ZNF705A: variants seen among roughly 807,000 people sequenced by gnomAD.
ZNF705A encodes the protein zinc finger protein 705A.
In ZNF705A, 8 loss-of-function variants were observed where a neutral mutation model predicts 16.6. That is an observed-to-expected ratio of 0.48 (90% confidence interval 0.28 to 0.87). The LOEUF (loss-of-function observed/expected upper bound fraction) is 0.87. ZNF705A is among the 40% of genes least tolerant of loss of function. ZNF705A has a pLI of 0.10. For synonymous variants in ZNF705A, 73 were observed against 117.3 expected (o/e 0.62, Z 2.44); for missense variants, 233 against 359.9 (o/e 0.65, Z 2.85).
upstream of ZNF705A, among the ~76,000 whole-genome samples, chr12:8,170,211 GA>G (rs1948435286): frequency 3.6e-5 from 5 of 139,262 alleles, no homozygotes; most frequent in Non-Finnish European, 6.0e-5. Flanking sequence ...AAAAAAAGGA[GA>G]GAGAGACATC....
intron 1 of ZNF705A, among the ~76,000 whole-genome samples, chr12:8,165,440 G>A (rs1273526575): frequency 1.8e-4 from 23 of 126,982 alleles, no homozygotes; most frequent in Admixed American, 1.6e-3. Flanking sequence ...CTGCCACCAC[G>A]CCCAGCTAAA....
intron 1 of ZNF705A, 121 bp from the exon 3 acceptor site, chr12:8,174,205 C>A: frequency 7.6e-6 from 12 of 1,579,840 alleles, no homozygotes; most frequent in Non-Finnish European, 9.4e-6. Context: ...AATGAACTGG[C>A]TGGAACCCAA....
chr12:8,161,964 T>C (rs534803228), intron 1 of ZNF705A, among the ~76,000 whole-genome samples: 1 of 152,186 alleles, frequency 6.6e-6, no homozygotes, highest in Non-Finnish European at 1.5e-5. Flanking sequence ...GGAACTATCC[T>C]AAGTCAGAAG....
chr12:8,167,262 A>G (rs1447270021), intron 1 of ZNF705A, among the ~76,000 whole-genome samples: 1 of 152,194 alleles, frequency 6.6e-6, no homozygotes, highest in Non-Finnish European at 1.5e-5. Context: ...GTACTTATGA[A>G]TAAAAAAAGG....
At chr12:8,178,157 C>T (rs1420460259) in exon 5 of ZNF705A, 2 of 158,376 alleles carry the variant, frequency 1.3e-5, no homozygotes, top group African/African-American at 4.8e-5. Context: ...TGTGAATAAA[C>T]ATTCAGCCAA....
chr12:8,164,305 T>A (rs2120704061), intron 1 of ZNF705A, among the ~76,000 whole-genome samples: 2 of 152,348 alleles, frequency 1.3e-5, no homozygotes, highest in Admixed American at 1.3e-4. Flanking sequence ...TTGTCTATTT[T>A]AGATTTCAAA....
rs1948470424 is a variant in ZNF705A, at chr12:8,174,529, C to G, written c.139+77C>G. On this transcript the variant is annotated intron_variant, in intron 2 of 4. Coordinates refer to ENST00000359286, the Ensembl canonical transcript of ZNF705A. Reference sequence around the variant, plus strand: ...TTCAATAAGTGTTAGAACAGCTTCCCCATATCTCACTCTAATCTCTTCTCT... The same window carrying G: ...TTCAATAAGTGTTAGAACAGCTTCCGCATATCTCACTCTAATCTCTTCTCT... 24 of 1,593,008 alleles carry G rather than the reference C, an allele frequency of 1.5e-5. No individual in the cohort carries two copies. In the Middle Eastern group the frequency reaches 9.0e-4, roughly 60 times the overall value.
upstream of ZNF705A, chr12:8,172,503 C>G (rs1266151546): frequency 1.3e-5 from 18 of 1,353,748 alleles, no homozygotes; most frequent in Non-Finnish European, 1.7e-5. Context: ...ATCGGTTGAT[C>G]TGAAAATTGT....
chr12:8,177,895 A>G (rs1948499342), exon 5 of ZNF705A: 2 of 442,778 alleles, frequency 4.5e-6, no homozygotes, highest in African/African-American at 2.0e-5. Context: ...ATAAATTCAT[A>G]TGGAAGAGAA....
At chr12:8,175,448 G>A in intron 3 of ZNF705A, 125 bp downstream of exon 4, 8 of 1,272,200 alleles carry the variant, frequency 6.3e-6, no homozygotes, top group Non-Finnish European at 8.8e-6. Context: ...TAGGCTACTG[G>A]AGCAGAATTC....
intron 1 of ZNF705A, among the ~76,000 whole-genome samples, chr12:8,165,277 C>CCTTTT (rs1565413981): frequency 8.0e-6 from 1 of 124,684 alleles, no homozygotes; most frequent in African/African-American, 3.3e-5. Flanking sequence ...GATCTTTGCC[C>CCTTTT]ATTTTTTTTT....
At chr12:8,164,638 A>C (rs1306408996) in intron 1 of ZNF705A, among the ~76,000 whole-genome samples, 1 of 152,156 alleles carries the variant, frequency 6.6e-6, no homozygotes, top group Admixed American at 6.5e-5. Flanking sequence ...TTCCAGTTCC[A>C]TTCATGTTCC....
exon 5 of ZNF705A, chr12:8,177,485 T>C: frequency 6.2e-7 from 1 of 1,612,314 alleles, no homozygotes; most frequent in Non-Finnish European, 8.5e-7. Flanking sequence ...TAGTCAAAGC[T>C]CTGGCTTTAG....
chr12:8,177,225 C>T (rs775081599), exon 5 of ZNF705A: 2 of 1,611,634 alleles, frequency 1.2e-6, no homozygotes, highest in Non-Finnish European at 1.7e-6. Context: ...AAGGCCTATA[C>T]TAATTGCTTT....
At chr12:8,171,294 AT>A (rs1316445927), upstream of ZNF705A, among the ~76,000 whole-genome samples, 2 of 152,160 alleles carry the variant, frequency 1.3e-5, no homozygotes, top group Non-Finnish European at 2.9e-5. Context: ...GTATTTAATT[AT>A]TTTTATATTT....
At chr12:8,172,121 A>G (rs11613962), upstream of ZNF705A, among the ~76,000 whole-genome samples, 77,459 of 149,542 alleles carry the variant, frequency 0.52, 20,374 homozygotes, top group Non-Finnish European at 0.57. Flanking sequence ...AGTGGAGTAA[A>G]GCTTCAGAAG....
intron 4 of ZNF705A, among the ~76,000 whole-genome samples, chr12:8,176,158 C>T (rs138772873): frequency 0.079 from 11,952 of 152,242 alleles, 711 homozygotes; most frequent in South Asian, 0.13. Flanking sequence ...ATATACATTG[C>T]TCATGCCCAG....
chr12:8,177,133 AT>A lies in ZNF705A; in HGVS notation c.454del (p.Ser152LeufsTer41). ...CCTATGTCAGCAAACAGTGTGGAAA[AT>A]CTCTTCGTAATCTTTTCTCCCCTAA... On this transcript the variant is annotated frameshift_variant, in exon 5 of 5. Coordinates refer to ENST00000359286, the Ensembl canonical transcript of ZNF705A. LOFTEE classifies it low-confidence loss of function (END_TRUNC). The A allele has an allele frequency of 6.2e-7, 1 of 1,611,836 alleles. No homozygotes were observed. Among genetic ancestry groups the A allele is most frequent in the Middle Eastern group, 2.3e-4 (1 of 4,430 alleles).
At chr12:8,169,460 T>A (rs1173740702), upstream of ZNF705A, among the ~76,000 whole-genome samples, 6 of 152,232 alleles carry the variant, frequency 3.9e-5, no homozygotes, top group African/African-American at 1.4e-4. Flanking sequence ...CGTTTTGGTT[T>A]CATACTTTAA....
Sources: allele counts gnomAD v4.1 joint callset (sites outside exome capture counted in the v4.1 genomes callset), GRCh38; gene constraint gnomAD v4.1.1; transcripts MANE v1.5; gene names NCBI Gene and HGNC (gene_info 2026-07-23, HGNC 2026-07-21).